SEC61B: variants seen among roughly 807,000 people sequenced by gnomAD.
The protein encoded by SEC61B is protein transport protein Sec61 subunit beta.
In SEC61B, 7 loss-of-function variants were observed where a neutral mutation model predicts 12.6. That is an observed-to-expected ratio of 0.55 (90% CI 0.32 to 1.04). SEC61B has a LOEUF of 1.04. Among genes scored for constraint, SEC61B ranks in the 50% least tolerant of loss-of-function variants. The pLI, the probability that SEC61B is intolerant of heterozygous loss-of-function variation, is 0.05. For synonymous variants in SEC61B, 54 were observed against 50.1 expected, an observed-to-expected ratio of 1.08 and a Z score of -0.33; for missense variants, 107 against 130.1, an observed-to-expected ratio of 0.82 and a Z score of 0.86.
chr9:99,224,971 C>G (rs1828878031), intron 2 of SEC61B, among the ~76,000 whole-genome samples: 1 of 152,180 alleles, frequency 6.6e-6, no homozygotes, highest in Non-Finnish European at 1.5e-5. Context: ...TGTTCTTGCT[C>G]TCCTAAATAC....
intron 3 of SEC61B, among the ~76,000 whole-genome samples, chr9:99,229,402 G>A (rs1828934628): frequency 6.6e-6 from 1 of 152,108 alleles, no homozygotes; most frequent in South Asian, 2.1e-4. Context: ...ATAGCTCATT[G>A]TAGTCTTGAA....
rs371050837 is a variant in SEC61B, at chr9:99,222,381, C to A, written c.3+15C>A. The A allele has an allele frequency of 6.2e-7, 1 of 1,614,038 alleles. No homozygotes were observed. Among genetic ancestry groups the A allele is most frequent in the African/African-American group, 1.3e-5 (1 of 74,924 alleles). On this transcript the variant is annotated intron_variant, in intron 1 of 3. Coordinates refer to ENST00000223641, the MANE Select transcript of SEC61B (RefSeq NM_006808.3). ...TCTCCAATATGGTATGGCGGCCCTT[C>A]CATGATCCCCGCCTCTCCCAGAAGC... is the stretch of plus-strand genomic sequence containing the variant.
Position 99,228,015 on chromosome 9 carries a change from C to G in SEC61B, c.203+15C>G. 6.3e-7 allele frequency: 1 copy of G among 1,597,464 alleles called. No homozygotes were observed. Among genetic ancestry groups the G allele is most frequent in the South Asian group, 1.1e-5 (1 of 90,378 alleles). On this transcript the variant is annotated intron_variant, in intron 3 of 3. Coordinates refer to ENST00000223641, the MANE Select transcript of SEC61B (RefSeq NM_006808.3). ...GGGCTCAAAGTGTAAGTCTTAGGAA[C>G]AGTCCTTGTGTTTCTGTCCAGTGGC...
At chr9:99,222,836 C>T (rs1828846670) in intron 2 of SEC61B, 193 bp downstream of exon 2, 2 of 510,136 alleles carry the variant, frequency 3.9e-6, no homozygotes, top group African/African-American at 2.0e-5. Flanking sequence ...CAGTTTAGGG[C>T]ACTACTCTTA....
chr9:99,227,833 A>G, intron 2 of SEC61B, 66 bp from the exon 3 acceptor site: 1 of 1,111,384 alleles, frequency 9.0e-7, no homozygotes, highest in Non-Finnish European at 1.4e-6. Context: ...TAATGGTAGC[A>G]TATGTTATAA....
In SEC61B at chr9:99,222,305, C is replaced by CG. The variant is rs769748448; in HGVS notation, c.-54dup. 6.2e-6 allele frequency: 10 copies of CG among 1,613,626 alleles called. No homozygotes were observed. The highest frequency in any genetic ancestry group is 8.5e-6 in the Non-Finnish European group (10 of 1,179,710). The stretch of plus-strand genomic sequence containing the variant: ...TCAGTCTCGCCAGCTGCCGGTCTTT[C>CG]GGGGGCTCCGTAACTTTCTATCCGT... On this transcript the variant is annotated 5_prime_UTR_variant, in exon 1 of 4. Coordinates refer to ENST00000223641, the MANE Select transcript of SEC61B (RefSeq NM_006808.3).
Position 99,222,308 on chromosome 9 carries a change from G to A in SEC61B, c.-56G>A, listed in dbSNP as rs572236878. 9.3e-6 allele frequency: 15 copies of A among 1,613,738 alleles called. No individual in the cohort carries two copies. Among genetic ancestry groups the A allele is most frequent in the Middle Eastern group, 1.6e-4 (1 of 6,084 alleles). On this transcript the variant is annotated 5_prime_UTR_variant, in exon 1 of 4. Transcript: ENST00000223641. ...GTCTCGCCAGCTGCCGGTCTTTCGG[G>A]GGCTCCGTAACTTTCTATCCGTCCG... is the stretch of plus-strand genomic sequence containing the variant.
At chr9:99,222,820 G>T in intron 2 of SEC61B, 177 bp downstream of exon 2, 2 of 560,014 alleles carry the variant, frequency 3.6e-6, no homozygotes, top group Non-Finnish European at 6.3e-6. Flanking sequence ...TTTTTTTCTC[G>T]TTGCTCAGTT....
chr9:99,222,566 C>A lies in SEC61B; in HGVS notation c.24C>A (p.Gly8=). 1 of 1,573,826 alleles carries A rather than the reference C, an allele frequency of 6.4e-7. No individual in the cohort carries two copies. The highest frequency in any genetic ancestry group is 8.6e-7 in the Non-Finnish European group (1 of 1,159,792). The change falls in exon 2 of 4, where the codon GGC becomes GGA. Residue 8 remains glycine, a synonymous_variant. Coordinates refer to ENST00000223641, the MANE Select transcript of SEC61B (RefSeq NM_006808.3). The stretch of plus-strand genomic sequence containing the variant: ...TACAGCCTGGTCCGACCCCCAGTGG[C>A]ACTAACGTGGGATCCTCAGGGCGCT... MPGPTPS[G]TNVGSSGRSP...
At chr9:99,222,845 TAAAAAA>T in intron 2 of SEC61B, 1 of 485,038 alleles carries the variant, frequency 2.1e-6, no homozygotes, top group Non-Finnish European at 3.6e-6. Flanking sequence ...GCACTACTCT[TAAAAAA>T]GGAAAGTTAA....
intron 2 of SEC61B, among the ~76,000 whole-genome samples, chr9:99,225,290 A>T (rs1226855405): frequency 6.6e-6 from 1 of 152,204 alleles, no homozygotes; most frequent in Non-Finnish European, 1.5e-5. Context: ...AAGATAAATA[A>T]AGCTGGGTGG....
chr9:99,222,693 G>T, intron 2 of SEC61B, 50 bp downstream of exon 2: 1 of 1,266,142 alleles, frequency 7.9e-7, no homozygotes. Context: ...ATAGGACCCA[G>T]AACCTCGCTG....
At position 99,230,479 on chromosome 9, in the gene SEC61B, T is replaced by G. The variant is rs1828947604; in HGVS notation, c.*55T>G. On this transcript the variant is annotated 3_prime_UTR_variant, in exon 4 of 4. Transcript: ENST00000223641. ...AAGGAGGAAAAAACCCAACATTTCT[T>G]GGACCAAAAGTATAGTGACTATCTG... 8.3e-7 allele frequency: 1 copy of G among 1,204,242 alleles called. No homozygotes were observed. Among genetic ancestry groups the G allele is most frequent in the South Asian group, 1.2e-5 (1 of 80,658 alleles). 74.6% of individuals were successfully genotyped at this position (1,204,242 alleles called of 1,614,324 possible).
intron 2 of SEC61B, among the ~76,000 whole-genome samples, chr9:99,224,241 CT>C (rs1332671337): frequency 2.0e-5 from 3 of 152,154 alleles, no homozygotes; most frequent in Admixed American, 6.5e-5. Context: ...TCTAATAGAA[CT>C]GGCAGAAATG....
chr9:99,222,914 G>C, intron 2 of SEC61B: 1 of 366,346 alleles, frequency 2.7e-6, no homozygotes, highest in Non-Finnish European at 4.9e-6. Flanking sequence ...TCATTAAACT[G>C]GTGTCTCTGG....
At chr9:99,229,802 A>G (rs1453421822) in intron 3 of SEC61B, among the ~76,000 whole-genome samples, 1 of 152,232 alleles carries the variant, frequency 6.6e-6, no homozygotes, top group Non-Finnish European at 1.5e-5. Flanking sequence ...TGGGGTATCC[A>G]TTACCTTAAG....
chr9:99,222,308 G>C lies in SEC61B; in HGVS notation c.-56G>C, dbSNP rs572236878. On this transcript the variant is annotated 5_prime_UTR_variant, in exon 1 of 4. Coordinates refer to ENST00000223641, the MANE Select transcript of SEC61B (RefSeq NM_006808.3). ...GTCTCGCCAGCTGCCGGTCTTTCGG[G>C]GGCTCCGTAACTTTCTATCCGTCCG... 8.1e-6 allele frequency: 13 copies of C among 1,613,856 alleles called. No individual in the cohort carries two copies. In the Admixed American group the frequency reaches 8.3e-5, roughly 10 times the overall value.
rs184932349 is a variant in SEC61B at position 99,230,288 on chromosome 9, A to C, written c.204-49A>C. ...GGCAATCTTTAGTATTGCAGATCTA[A>C]TAGTATATTATTACTAAAAGTAAGC... On this transcript the variant is annotated intron_variant, in intron 3 of 3. Transcript: ENST00000223641. The C allele has an allele frequency of 9.4e-5, 114 of 1,215,830 alleles. 1 individual carries two copies. The East Asian group carries it at 1.7e-3, about 19-fold the overall frequency. 75.3% of individuals were successfully genotyped at this position (1,215,830 alleles called of 1,614,324 possible).
At chr9:99,224,716 G>A (rs1017251998) in intron 2 of SEC61B, among the ~76,000 whole-genome samples, 5 of 152,174 alleles carry the variant, frequency 3.3e-5, no homozygotes, top group East Asian at 1.9e-4. Flanking sequence ...TGTATTGAGA[G>A]ACCTGACAGT....
Sources: gnomAD v4.1 joint callset for allele counts (sites outside exome capture counted in the v4.1 genomes callset) on GRCh38, gnomAD v4.1.1 for gene constraint, MANE v1.5 for transcripts, NCBI Gene and HGNC (gene_info 2026-07-23, HGNC 2026-07-21) for gene names.